SLC2A13: variants seen among roughly 807,000 people sequenced by gnomAD.
The protein encoded by SLC2A13 is solute carrier family 2 member 13.
A neutral mutation model predicts 64.4 loss-of-function variants in SLC2A13; 32 were observed. That is an observed-to-expected ratio of 0.50 (90% CI 0.37 to 0.67). SLC2A13 has a LOEUF of 0.67. SLC2A13 is among the 30% of genes least tolerant of loss of function. SLC2A13 has a pLI of 0.00. For missense variants in SLC2A13, 743 were observed against 829.2 expected (o/e 0.90, Z 1.28); for synonymous variants, 338 against 327.1 (o/e 1.03, Z -0.36).
chr12:39,851,224 T>C (rs192967635), intron 6 of SLC2A13, among the ~76,000 whole-genome samples: 53 of 152,284 alleles, frequency 3.5e-4, no homozygotes, highest in Non-Finnish European at 7.2e-4. Flanking sequence ...ATAGAAACAC[T>C]AATCAGTTAA....
intron 7 of SLC2A13, among the ~76,000 whole-genome samples, chr12:39,790,518 T>C (rs1387330286): frequency 6.6e-6 from 1 of 150,894 alleles, no homozygotes; most frequent in Non-Finnish European, 1.5e-5. Context: ...TGGTTTCCAA[T>C]TTCATCCATG....
intron 7 of SLC2A13, 98 bp from the exon 8 acceptor site, chr12:39,764,956 G>A (rs1266680403): frequency 2.7e-5 from 36 of 1,311,622 alleles, no homozygotes; most frequent in African/African-American, 8.9e-5. Context: ...ATTCCTTAAT[G>A]TCTTAAGAGT....
chr12:40,078,339 G>A (rs1254330413), intron 1 of SLC2A13, among the ~76,000 whole-genome samples: 5 of 152,070 alleles, frequency 3.3e-5, no homozygotes, highest in Admixed American at 6.6e-5. Flanking sequence ...TGCCTACTTT[G>A]TTGAGGGTTT....
intron 6 of SLC2A13, among the ~76,000 whole-genome samples, chr12:39,834,681 A>G (rs1432390860): frequency 6.6e-6 from 1 of 152,016 alleles, no homozygotes; most frequent in East Asian, 1.9e-4. Flanking sequence ...TGGGAACTGT[A>G]TTTGTGCTAA....
At chr12:39,763,818 G>C (rs980503408) in intron 9 of SLC2A13, among the ~76,000 whole-genome samples, 5 of 152,064 alleles carry the variant, frequency 3.3e-5, no homozygotes, top group African/African-American at 1.2e-4. Flanking sequence ...TCCTGACTCA[G>C]CCACTAAGCA....
chr12:40,013,077 T>C (rs1226990963), intron 3 of SLC2A13, among the ~76,000 whole-genome samples: 1 of 152,152 alleles, frequency 6.6e-6, no homozygotes, highest in Non-Finnish European at 1.5e-5. Context: ...AGTAAAAATG[T>C]TTTTAGTTTC....
Position 39,755,162 on chromosome 12 carries a change from T to TATC in SLC2A13, c.*4861_*4863dup, listed in dbSNP as rs1428224689. ...ATAACTTAAAAAACATTTACATGTA[T>TATC]ATCACTAAATCTCCATAAAATATAC... On this transcript the variant is annotated 3_prime_UTR_variant, in exon 10 of 10. Coordinates refer to ENST00000280871, the MANE Select transcript of SLC2A13 (RefSeq NM_052885.4). 3.9e-5 allele frequency: 6 copies of TATC among 152,124 alleles called. No homozygotes were observed. The highest frequency in any genetic ancestry group is 3.9e-4 in the Admixed American group (6 of 15,248). The allele number at this position is 152,124 out of a possible 1,614,324, so 9.4% of individuals were successfully genotyped here. A position where few individuals can be genotyped will look rare whatever the true frequency, so the allele number is the denominator to read the frequency against.
intron 2 of SLC2A13, among the ~76,000 whole-genome samples, chr12:40,046,330 C>A (rs139276728): frequency 2.0e-5 from 3 of 152,322 alleles, no homozygotes; most frequent in African/African-American, 7.2e-5. Flanking sequence ...ACACCACATT[C>A]ATAAATGTAT....
chr12:39,790,406 T>A (rs1289338895), intron 7 of SLC2A13, among the ~76,000 whole-genome samples: 3 of 132,076 alleles, frequency 2.3e-5, no homozygotes, highest in Non-Finnish European at 4.6e-5. Context: ...GAGTGTGATA[T>A]TCCCTTCCTG....
chr12:39,767,618 C>CA (rs1940408191), intron 7 of SLC2A13, among the ~76,000 whole-genome samples: 1 of 152,052 alleles, frequency 6.6e-6, no homozygotes, highest in Non-Finnish European at 1.5e-5. Flanking sequence ...GTTTCATCTA[C>CA]ATTGAAAAAT....
At chr12:39,784,141 T>C (rs921802092) in intron 7 of SLC2A13, among the ~76,000 whole-genome samples, 18 of 152,270 alleles carry the variant, frequency 1.2e-4, no homozygotes, top group East Asian at 1.9e-4. Flanking sequence ...TGAAAATGGC[T>C]ATACTGCCCA....
intron 6 of SLC2A13, among the ~76,000 whole-genome samples, chr12:39,842,935 G>C (rs1171252425): frequency 2.6e-5 from 4 of 151,944 alleles, no homozygotes; most frequent in Admixed American, 2.6e-4. Context: ...TATAGCATTT[G>C]TCAGTAGTTC....
chr12:39,825,838 A>G (rs1272503762), intron 7 of SLC2A13, among the ~76,000 whole-genome samples: 3 of 152,032 alleles, frequency 2.0e-5, no homozygotes, highest in Non-Finnish European at 4.4e-5. Flanking sequence ...GGCTTACTCT[A>G]TGTTCTACTT....
At chr12:40,065,615 C>A (rs900484001) in intron 1 of SLC2A13, among the ~76,000 whole-genome samples, 1 of 151,906 alleles carries the variant, frequency 6.6e-6, no homozygotes, top group Non-Finnish European at 1.5e-5. Flanking sequence ...TATTAGCTGT[C>A]ATCTAAGACT....
intron 4 of SLC2A13, among the ~76,000 whole-genome samples, chr12:39,896,448 A>ATG (rs1234358353): frequency 8.5e-6 from 1 of 117,234 alleles, no homozygotes; most frequent in Non-Finnish European, 1.8e-5. Flanking sequence ...ATATATGTAT[A>ATG]TGTGTGTATA....
chr12:39,830,303 T>G, intron 6 of SLC2A13, 75 bp from the exon 7 acceptor site: 1 of 1,548,170 alleles, frequency 6.5e-7, no homozygotes, highest in South Asian at 1.3e-5. Context: ...TCCATGTGCT[T>G]CTCTGCATTT....
At chr12:39,953,245 C>T (rs563193399) in intron 3 of SLC2A13, among the ~76,000 whole-genome samples, 218 of 152,228 alleles carry the variant, frequency 1.4e-3, no homozygotes, top group South Asian at 3.1e-3. Context: ...ATTGCATAAA[C>T]ATCACATATT....
intron 7 of SLC2A13, among the ~76,000 whole-genome samples, chr12:39,770,561 T>C (rs1457188780): frequency 3.9e-5 from 6 of 152,200 alleles, no homozygotes; most frequent in African/African-American, 1.4e-4. Flanking sequence ...TCCTGTTTCC[T>C]GATCTGTGAG....
chr12:39,997,831 G>GA (rs908324656), intron 3 of SLC2A13, among the ~76,000 whole-genome samples: 6 of 151,610 alleles, frequency 4.0e-5, no homozygotes, highest in South Asian at 4.2e-4. Flanking sequence ...ACTCCATCTC[G>GA]AAAAAAAAGA....
Sources: allele counts gnomAD v4.1 joint callset (sites outside exome capture counted in the v4.1 genomes callset), GRCh38; gene constraint gnomAD v4.1.1; transcripts MANE v1.5; gene names NCBI Gene and HGNC (gene_info 2026-07-23, HGNC 2026-07-21).